The following PDE4D variants were observed in gnomAD, a reference collection of about 807,000 sequenced individuals.
PDE4D encodes 3',5'-cyclic-AMP phosphodiesterase 4D.
PDE4D carries 24 observed loss-of-function variants against 87.4 expected under a neutral mutation model. The ratio of observed to expected loss-of-function variants is 0.27; its 90% CI spans 0.20 to 0.39. The LOEUF (loss-of-function observed/expected upper bound fraction) is 0.39. Ranked by LOEUF, PDE4D falls within the 10% of genes least tolerant of loss-of-function variation. PDE4D has a pLI of 1.00. For synonymous variants in PDE4D, 384 were observed against 383.2 expected, an observed-to-expected ratio of 1.00 and a Z score of -0.02; for missense variants, 714 against 1,041.0, an observed-to-expected ratio of 0.69 and a Z score of 4.32.
upstream of PDE4D, among the ~76,000 whole-genome samples, chr5:59,896,600 G>A (rs1464220022): frequency 6.6e-6 from 1 of 152,170 alleles, no homozygotes; most frequent in African/African-American, 2.4e-5. Flanking sequence ...GAGGATCAAG[G>A]CATCGGCATT....
At chr5:59,595,268 G>A (rs1826502822) in intron 1 of PDE4D, among the ~76,000 whole-genome samples, 1 of 151,962 alleles carries the variant, frequency 6.6e-6, no homozygotes, top group Non-Finnish European at 1.5e-5. Flanking sequence ...TTATCACATA[G>A]TTTCATTTTA....
intron 1 of PDE4D, among the ~76,000 whole-genome samples, chr5:59,260,200 G>C (rs1394419484): frequency 6.6e-6 from 1 of 151,776 alleles, no homozygotes; most frequent in African/African-American, 2.4e-5. Flanking sequence ...ATCAAAGACT[G>C]TAAAGCAACT....
chr5:59,624,960 A>T (rs750339725), intron 1 of PDE4D, among the ~76,000 whole-genome samples: 35 of 152,330 alleles, frequency 2.3e-4, no homozygotes, highest in Admixed American at 3.9e-4. Flanking sequence ...GGAATTCCAC[A>T]TCTTGGCTAA....
intron 1 of PDE4D, among the ~76,000 whole-genome samples, chr5:59,871,624 T>C (rs564793684): frequency 1.2e-4 from 18 of 152,296 alleles, no homozygotes; most frequent in Non-Finnish European, 2.4e-4. Flanking sequence ...TATTTGAATA[T>C]AACCTAAGAA....
chr5:60,456,017 C>T (rs1321393937), intron 1 of PDE4D, among the ~76,000 whole-genome samples: 1 of 152,158 alleles, frequency 6.6e-6, no homozygotes, highest in Non-Finnish European at 1.5e-5. Context: ...CAGTGAGGGG[C>T]CTTGCACACA....
intron 1 of PDE4D, among the ~76,000 whole-genome samples, chr5:59,457,531 C>T (rs1582697530): frequency 6.6e-6 from 1 of 152,140 alleles, no homozygotes; most frequent in African/African-American, 2.4e-5. Context: ...GAACCCTATA[C>T]TTAAGAGATG....
intron 3 of PDE4D, among the ~76,000 whole-genome samples, chr5:59,958,129 CATT>C (rs1759062298): frequency 6.6e-6 from 1 of 152,066 alleles, no homozygotes; most frequent in African/African-American, 2.4e-5. Flanking sequence ...ACATTCAAAT[CATT>C]ATAAGTTTTT....
intron 1 of PDE4D, among the ~76,000 whole-genome samples, chr5:59,504,585 G>C (rs563057358): frequency 1.3e-5 from 2 of 151,970 alleles, no homozygotes; most frequent in East Asian, 3.9e-4. Context: ...TCCATTTTTT[G>C]ATGTGTCATT....
intron 1 of PDE4D, among the ~76,000 whole-genome samples, chr5:60,322,256 A>G (rs991881251): frequency 6.6e-6 from 1 of 152,094 alleles, no homozygotes; most frequent in Non-Finnish European, 1.5e-5. Context: ...TTGCAGCAAC[A>G]TGGTTGAAGC....
chr5:59,660,599 T>G (rs1745078664), intron 1 of PDE4D, among the ~76,000 whole-genome samples: 1 of 152,160 alleles, frequency 6.6e-6, no homozygotes, highest in East Asian at 1.9e-4. Context: ...CTGACTACAT[T>G]CATATAAGGC....
chr5:60,050,232 G>A lies in PDE4D; in HGVS notation c.43-61515C>T, dbSNP rs1447186301. Among the ~76,000 whole-genome samples, 9 of 152,252 alleles carry A rather than the reference G, an allele frequency of 5.9e-5. No homozygotes were observed. In the East Asian group the frequency reaches 1.7e-3, roughly 29 times the overall value. On this transcript the variant is annotated intron_variant, in intron 2 of 16. Transcript: ENST00000502484. ...CTCACCCTGCTTCGGCTCGCGCATG[G>A]TGCATGCACCCACTGACCTGCGCCC...
At chr5:60,034,511 T>C (rs778003800) in intron 2 of PDE4D, among the ~76,000 whole-genome samples, 4 of 152,184 alleles carry the variant, frequency 2.6e-5, no homozygotes, top group Non-Finnish European at 5.9e-5. Flanking sequence ...TGCCTCTCTC[T>C]TAAAAGGCCC....
chr5:59,913,612 T>A (rs575667311), intron 3 of PDE4D, among the ~76,000 whole-genome samples: 1 of 152,288 alleles, frequency 6.6e-6, no homozygotes, highest in South Asian at 2.1e-4. Context: ...TACTAAATAG[T>A]CATGGTATAG....
intron 1 of PDE4D, among the ~76,000 whole-genome samples, chr5:59,685,510 G>A (rs1749707182): frequency 1.3e-5 from 2 of 152,036 alleles, no homozygotes; most frequent in South Asian, 4.1e-4. Flanking sequence ...TGAAACACCT[G>A]TTTGTTAGGC....
intron 1 of PDE4D, among the ~76,000 whole-genome samples, chr5:59,844,899 A>C (rs1743590169): frequency 6.6e-6 from 1 of 152,084 alleles, no homozygotes. Context: ...CATAAGGAGG[A>C]GTTGGGCCCT....
chr5:59,422,605 A>C (rs1013960907), intron 1 of PDE4D, among the ~76,000 whole-genome samples: 7 of 152,242 alleles, frequency 4.6e-5, no homozygotes, highest in African/African-American at 1.7e-4. Flanking sequence ...AAAAACTAAA[A>C]AGAAAGTTCC....
intron 5 of PDE4D, among the ~76,000 whole-genome samples, chr5:59,169,651 G>A (rs893750473): frequency 6.6e-6 from 1 of 152,188 alleles, no homozygotes; most frequent in African/African-American, 2.4e-5. Flanking sequence ...TTTGTTAGAT[G>A]AGGGTGTGGG....
chr5:59,394,027 T>C (rs1329769471), intron 1 of PDE4D, among the ~76,000 whole-genome samples: 2 of 152,234 alleles, frequency 1.3e-5, no homozygotes, highest in Non-Finnish European at 2.9e-5. Flanking sequence ...AGATTTTGGA[T>C]ACTCATTTCT....
At chr5:59,918,380 C>T (rs372522384) in intron 3 of PDE4D, among the ~76,000 whole-genome samples, 2 of 152,242 alleles carry the variant, frequency 1.3e-5, no homozygotes, top group South Asian at 4.1e-4. Flanking sequence ...AATAGATTTT[C>T]TTTTTGGGAT....
Sources: gnomAD v4.1 joint callset for allele counts (sites outside exome capture counted in the v4.1 genomes callset) on GRCh38, gnomAD v4.1.1 for gene constraint, MANE v1.5 for transcripts, NCBI Gene and HGNC (gene_info 2026-07-23, HGNC 2026-07-21) for gene names.